The following RGS12 variants were observed in gnomAD, a reference collection of about 807,000 sequenced individuals.
The protein encoded by RGS12 is regulator of G-protein signaling 12.
In RGS12, 66 loss-of-function variants were observed where a neutral mutation model predicts 120.1. The ratio of observed to expected loss-of-function variants is 0.55; its 90% confidence interval spans 0.45 to 0.67. The LOEUF (loss-of-function observed/expected upper bound fraction) is 0.67. Among genes scored for constraint, RGS12 ranks in the 30% least tolerant of loss-of-function variants. The probability of loss-of-function intolerance (pLI) is 0.00; values close to 1 mark genes in which losing one functional copy is unlikely to be tolerated. For synonymous variants in RGS12, 827 were observed against 804.7 expected (o/e 1.03, Z -0.47); for missense variants, 1,859 against 1,957.7 (o/e 0.95, Z 0.95).
chr4:3,404,605 G>A (rs1045907905), intron 4 of RGS12, among the ~76,000 whole-genome samples: 8 of 152,228 alleles, frequency 5.3e-5, no homozygotes, highest in Non-Finnish European at 8.8e-5. Flanking sequence ...AAGAGGAGGT[G>A]AGGATGTGCT....
chr4:3,385,361 T>G (rs1455978395), intron 3 of RGS12: 1 of 152,432 alleles, frequency 6.6e-6, no homozygotes, highest in Non-Finnish European at 1.5e-5. Context: ...AAACACGGGT[T>G]TGTCCAGCCT....
intron 4 of RGS12, among the ~76,000 whole-genome samples, chr4:3,394,519 A>G (rs987828540): frequency 6.6e-6 from 1 of 152,244 alleles, no homozygotes; most frequent in African/African-American, 2.4e-5. Context: ...CAAATATCTA[A>G]TGAGAATACT....
rs187133290 is a variant in RGS12, at chr4:3,399,101, A to G, written c.2020+12664A>G. Among the ~76,000 whole-genome samples, 588 of 152,370 alleles carry G rather than the reference A, an allele frequency of 3.9e-3. 2 individuals are homozygous for G. Among genetic ancestry groups the G allele is most frequent in the Non-Finnish European group, 6.3e-3 (432 of 68,034 alleles). On this transcript the variant is annotated intron_variant, in intron 4 of 17. Coordinates refer to ENST00000336727, the MANE Select transcript of RGS12 (RefSeq NM_001394154.1). ...ACAGTTTAGAACCATTTATGGTTCT[A>G]TACTACACATCATCACCAGTAGAAT... is the stretch of plus-strand genomic sequence containing the variant.
At chr4:3,323,417 T>G (rs190385778) in intron 2 of RGS12, among the ~76,000 whole-genome samples, 4 of 152,358 alleles carry the variant, frequency 2.6e-5, no homozygotes, top group Admixed American at 2.6e-4. Flanking sequence ...AGTTCAGAGT[T>G]CGCTTCCTTT....
chr4:3,303,927 A>C (rs1007509472), intron 1 of RGS12, among the ~76,000 whole-genome samples: 5 of 152,170 alleles, frequency 3.3e-5, no homozygotes, highest in African/African-American at 9.7e-5. Flanking sequence ...TCTTTCCCCT[A>C]ATCATTCATG....
At chr4:3,386,512 T>C (rs901333293) in intron 4 of RGS12, 75 bp downstream of exon 4, 5 of 1,302,300 alleles carry the variant, frequency 3.8e-6, no homozygotes, top group Non-Finnish European at 4.4e-6. Flanking sequence ...TATTTGCCAT[T>C]TGATGCCCTC....
intron 17 of RGS12, among the ~76,000 whole-genome samples, chr4:3,432,441 C>T (rs545597299): frequency 1.9e-4 from 29 of 152,318 alleles, no homozygotes; most frequent in African/African-American, 7.0e-4. Context: ...TGCTGGCCTT[C>T]GGGCTGCAGT....
chr4:3,318,142 T>G lies in RGS12; in HGVS notation c.1881+91T>G, dbSNP rs1453659715. 3 of 1,103,096 alleles carry G rather than the reference T, an allele frequency of 2.7e-6. No homozygotes were observed. The African/African-American group carries it at 4.8e-5, about 18-fold the overall frequency. 68.3% of individuals were successfully genotyped at this position (1,103,096 alleles called of 1,614,324 possible). On this transcript the variant is annotated intron_variant, in intron 2 of 17. Coordinates refer to ENST00000336727, the MANE Select transcript of RGS12 (RefSeq NM_001394154.1). The stretch of plus-strand genomic sequence containing the variant: ...GACTCCCAGTCACCAGCTTGCACAG[T>G]CCTGGCTTCCTCCTGCTGGCCCTGT...
At chr4:3,395,604 T>C (rs571878784) in intron 4 of RGS12, among the ~76,000 whole-genome samples, 33 of 152,342 alleles carry the variant, frequency 2.2e-4, no homozygotes, top group African/African-American at 7.7e-4. Context: ...CTCAACACTT[T>C]CCCTGTAGCC....
At chr4:3,301,453 AG>A (rs1723682346) in intron 1 of RGS12, among the ~76,000 whole-genome samples, 1 of 152,240 alleles carries the variant, frequency 6.6e-6, no homozygotes, top group South Asian at 2.1e-4. Context: ...GTCGGTGAAT[AG>A]GAGAATCACA....
Position 3,317,538 on chromosome 4 carries a change from G to T in RGS12, c.1368G>T (p.Ala456=). 6.8e-6 allele frequency: 11 copies of T among 1,610,258 alleles called. No individual in the cohort carries two copies. Among genetic ancestry groups the T allele is most frequent in the Non-Finnish European group, 9.3e-6 (11 of 1,179,474 alleles). The change falls in exon 2 of 18, where the codon GCG becomes GCT. Residue 456 remains alanine (A), a synonymous_variant. Transcript: ENST00000336727. ...GCAGACACGGCCCCGGAGGCAGCGC[G>T]TGGGACGGTGTGGGTGGGAGGGGTG... ...SSSRHGPGGS[A]WDGVGGRGAQ... is the part of the protein sequence containing the mutation.
upstream of RGS12, among the ~76,000 whole-genome samples, chr4:3,292,561 C>A (rs1298403748): frequency 6.6e-6 from 1 of 152,236 alleles, no homozygotes; most frequent in East Asian, 1.9e-4. Context: ...CACAGAGACC[C>A]AACGGGAGCG....
intron 4 of RGS12, among the ~76,000 whole-genome samples, chr4:3,399,749 G>C (rs1472101668): frequency 6.6e-6 from 1 of 152,244 alleles, no homozygotes; most frequent in African/African-American, 2.4e-5. Context: ...ATATCAGTCA[G>C]CTTAGGCTAA....
rs183918196 is a variant in RGS12, at chr4:3,374,396, C to T, written c.1999-12020C>T. On this transcript the variant is annotated intron_variant, in intron 3 of 17. Transcript: ENST00000336727. The surrounding 1 kb of genome is among the most constrained non-coding windows in gnomAD (Gnocchi z 6.3). ...GGTCTCCTTCCGCCACCACCTTCCA[C>T]GACAGGCTCGATTCGTCCCTCGCAT... 2.0e-3 allele frequency among the ~76,000 whole-genome samples: 308 copies of T among 152,314 alleles called. 2 individuals carry two copies. The highest frequency in any genetic ancestry group is 7.1e-3 in the African/African-American group (296 of 41,578).
At chr4:3,405,736 G>T (rs571067566) in intron 4 of RGS12, among the ~76,000 whole-genome samples, 7 of 152,338 alleles carry the variant, frequency 4.6e-5, no homozygotes, top group East Asian at 3.9e-4. Flanking sequence ...AAGGTTGCGT[G>T]TGTGCAGGTG....
At chr4:3,382,711 G>C (rs760670211) in intron 3 of RGS12, among the ~76,000 whole-genome samples, 13 of 151,784 alleles carry the variant, frequency 8.6e-5, no homozygotes, top group Non-Finnish European at 1.8e-4. Context: ...ATTGTTTTCA[G>C]TTCCATCTTC....
In RGS12 at chr4:3,374,105, C is replaced by T. The variant is rs1489406359; in HGVS notation, c.1999-12311C>T. Among the ~76,000 whole-genome samples, 2 of 152,250 alleles carry T rather than the reference C, an allele frequency of 1.3e-5. No homozygotes were observed. Among genetic ancestry groups the T allele is most frequent in the African/African-American group, 2.4e-5 (1 of 41,466 alleles). ...CAGCACCTTCTCCTACCATGTCCCA[C>T]GCGGCTCTGTGAACGCAGGCATCCC... is the stretch of plus-strand genomic sequence containing the variant. On this transcript the variant is annotated intron_variant, in intron 3 of 17. Coordinates refer to ENST00000336727, the MANE Select transcript of RGS12 (RefSeq NM_001394154.1). This position sits in a 1 kb window ranked among gnomAD's most constrained non-coding sequence, Gnocchi z 6.3.
At chr4:3,299,109 A>C (rs1366194695) in intron 1 of RGS12, among the ~76,000 whole-genome samples, 1 of 151,916 alleles carries the variant, frequency 6.6e-6, no homozygotes, top group Non-Finnish European at 1.5e-5. Context: ...CTGGAAGTTA[A>C]TTTGTCTGGA....
At chr4:3,367,241 C>T (rs149174599) in intron 3 of RGS12, among the ~76,000 whole-genome samples, 33 of 152,396 alleles carry the variant, frequency 2.2e-4, no homozygotes, top group African/African-American at 7.5e-4. Context: ...GCTCACCACA[C>T]GGGGGCTTCG....
Sources: gnomAD v4.1 joint callset for allele counts (sites outside exome capture counted in the v4.1 genomes callset) on GRCh38, gnomAD v4.1.1 for gene constraint, Gnocchi (gnomAD v3.1) non-coding constraint, MANE v1.5 for transcripts, NCBI Gene and HGNC (gene_info 2026-07-23, HGNC 2026-07-21) for gene names.